The following TJP2 variants were observed in gnomAD, a reference collection of about 807,000 sequenced individuals.
TJP2 encodes tight junction protein 2, also known as Friedreich ataxia region gene X104 (tight junction protein ZO-2).
A neutral mutation model predicts 133.1 loss-of-function variants in TJP2; 91 were observed. The observed-to-expected ratio is 0.68, with a 90% CI of 0.58 to 0.81. The LOEUF (loss-of-function observed/expected upper bound fraction) is 0.81. Among genes scored for constraint, TJP2 ranks in the 40% least tolerant of loss-of-function variants. TJP2 has a pLI of 0.00. For synonymous variants in TJP2, 592 were observed against 583.4 expected, an observed-to-expected ratio of 1.01 and a Z score of -0.21; for missense variants, 1,541 against 1,565.6, an observed-to-expected ratio of 0.98 and a Z score of 0.26.
At chr9:69,194,862 G>A (rs9411202) in intron 1 of TJP2, among the ~76,000 whole-genome samples, 12,955 of 152,272 alleles carry the variant, frequency 0.085, 700 homozygotes, top group Non-Finnish European at 0.12. Context: ...TACCCAAAGG[G>A]TGGGGTTCTT....
At chr9:69,133,934 T>A (rs778441830) in intron 1 of TJP2, among the ~76,000 whole-genome samples, 1 of 151,040 alleles carries the variant, frequency 6.6e-6, no homozygotes, top group Non-Finnish European at 1.5e-5. Context: ...TATGTACTCC[T>A]ATTATTAAGA....
intron 1 of TJP2, chr9:69,145,488 A>G (rs1823173403): frequency 2.9e-6 from 1 of 345,628 alleles, no homozygotes; most frequent in African/African-American, 2.1e-5. Flanking sequence ...ATTCAGAATT[A>G]TTTAGCCTTG....
intron 20 of TJP2, 41 bp from the exon 21 acceptor site, chr9:69,250,994 C>G (rs753315390): frequency 1.5e-5 from 24 of 1,580,198 alleles, no homozygotes; most frequent in Middle Eastern, 1.7e-4. Flanking sequence ...TGAAAATAAA[C>G]TTAAAAGCCC....
At chr9:69,137,287 CTTTCTTTCTTTCTTTTCT>C (rs1564372613) in intron 1 of TJP2, among the ~76,000 whole-genome samples, 29 of 88,132 alleles carry the variant, frequency 3.3e-4, no homozygotes, top group Non-Finnish European at 5.5e-4. Context: ...TTCTTTCTTT[CTTTCTTTCTTTCTTTTCT>C]TTTCTTTTCT....
At chr9:69,237,818 C>T in intron 14 of TJP2, 60 bp from the exon 15 acceptor site, 2 of 1,208,168 alleles carry the variant, frequency 1.7e-6, no homozygotes, top group Non-Finnish European at 2.5e-6. Context: ...AATACTTTTA[C>T]TGCTTATCAT....
chr9:69,240,551 G>A (rs1830510961), intron 17 of TJP2, among the ~76,000 whole-genome samples: 1 of 152,192 alleles, frequency 6.6e-6, no homozygotes, highest in South Asian at 2.1e-4. Flanking sequence ...AAATATTCCT[G>A]TCCAGCATGG....
intron 1 of TJP2, among the ~76,000 whole-genome samples, chr9:69,210,487 C>T: frequency 6.6e-6 from 1 of 152,056 alleles, no homozygotes; most frequent in East Asian, 1.9e-4. Flanking sequence ...TGAAAATTCA[C>T]TTTTATTTTT....
intron 5 of TJP2, among the ~76,000 whole-genome samples, chr9:69,222,428 A>G (rs972542535): frequency 2.0e-5 from 3 of 152,112 alleles, no homozygotes; most frequent in Admixed American, 1.3e-4. Flanking sequence ...GGCCTCCCAA[A>G]GTGCTGGGAT....
chr9:69,221,255 T>TGACCGC lies in TJP2; in HGVS notation c.712_717dup (p.Asp238_Arg239dup), dbSNP rs1246506675. On this transcript the variant is annotated inframe_insertion, in exon 5 of 23. Coordinates refer to ENST00000377245, the MANE Select transcript of TJP2 (RefSeq NM_004817.4). The stretch of plus-strand genomic sequence containing the variant: ...TTGGGCCATCCCGGGACCGGGACCG[T>TGACCGC]GACCGCAGCCGCGGCCGGAGCATTG... The TGACCGC allele has an allele frequency of 2.5e-6, 4 of 1,607,840 alleles. No individual in the cohort carries two copies. The highest frequency in any genetic ancestry group is 1.7e-5 in the Admixed American group (1 of 59,600).
intron 1 of TJP2, among the ~76,000 whole-genome samples, chr9:69,191,586 A>G (rs2133065436): frequency 6.6e-6 from 1 of 152,354 alleles, no homozygotes; most frequent in South Asian, 2.1e-4. Flanking sequence ...CTGTTACTCC[A>G]GGTCCGTTAG....
At chr9:69,176,890 A>G (rs1013963292) in intron 1 of TJP2, among the ~76,000 whole-genome samples, 3 of 152,112 alleles carry the variant, frequency 2.0e-5, no homozygotes, top group Admixed American at 6.6e-5. Flanking sequence ...CCTGTGTACA[A>G]TAATATGTGT....
In TJP2 at chr9:69,227,868, G is replaced by A; in HGVS notation, c.1314G>A (p.Arg438=). Residue 438 remains arginine (R), a synonymous_variant, in exon 8 of 23, where the codon AGG becomes AGA. Transcript: ENST00000377245. The stretch of plus-strand genomic sequence containing the variant: ...CCTCAAGTGAGAAGCTGAAGGAAAG[G>A]CCAAGGTAAGATGACATGAATATTC... ...YHSSSEKLKE[R]PSSREDTPSR... The A allele has an allele frequency of 6.2e-7, 1 of 1,613,410 alleles. No homozygotes were observed. Among genetic ancestry groups the A allele is most frequent in the Non-Finnish European group, 8.5e-7 (1 of 1,179,386 alleles).
intron 1 of TJP2, among the ~76,000 whole-genome samples, chr9:69,179,548 G>A (rs1222429649): frequency 1.4e-5 from 2 of 139,880 alleles, no homozygotes; most frequent in East Asian, 2.0e-4. Flanking sequence ...TCCCTCTGTC[G>A]CCCAGGCTGG....
At chr9:69,173,782 C>G (rs970629801), upstream of TJP2, among the ~76,000 whole-genome samples, 1 of 152,182 alleles carries the variant, frequency 6.6e-6, no homozygotes, top group African/African-American at 2.4e-5. Flanking sequence ...GCCAAAAAGT[C>G]TTCCTACAGG....
At chr9:69,204,996 T>G in intron 1 of TJP2, 1 of 1,365,036 alleles carries the variant, frequency 7.3e-7, no homozygotes, top group Non-Finnish European at 9.4e-7. Context: ...TTTCAAAGCG[T>G]TTGGCATCCC....
At chr9:69,156,521 AGAT>A (rs1823767100) in intron 2 of TJP2, among the ~76,000 whole-genome samples, 2 of 136,310 alleles carry the variant, frequency 1.5e-5, no homozygotes, top group African/African-American at 5.5e-5. Context: ...AATACATGTA[AGAT>A]TTTTTTTTTT....
Position 69,248,069 on chromosome 9 carries a change from G to A in TJP2, c.2725G>A (p.Ala909Thr), listed in dbSNP as rs1297281666. The A allele has an allele frequency of 3.7e-6, 6 of 1,614,008 alleles. No individual in the cohort carries two copies. Among genetic ancestry groups the A allele is most frequent in the East Asian group, 2.2e-5 (1 of 44,876 alleles). ...CATGTCCTACTTAACCGCCATGGGCGCGGACTATCTGAGTTGCGACAGCCG... is the reference window on the plus strand; with the variant it reads ...CATGTCCTACTTAACCGCCATGGGCACGGACTATCTGAGTTGCGACAGCCG... ...DRMSYLTAMGADYLSCDSRLI... is the reference protein window; with the variant it reads ...DRMSYLTAMGTDYLSCDSRLI... Residue 909 changes from alanine to threonine, a missense_variant, in exon 19 of 23, where the codon GCG (alanine) becomes ACG (threonine). Transcript: ENST00000377245.
chr9:69,174,016 G>C, upstream of TJP2: 1 of 1,023,618 alleles, frequency 9.8e-7, no homozygotes. Flanking sequence ...TTCTCCTGCC[G>C]CCGCCGCCGC....
At chr9:69,135,712 TCTC>T (rs947479820) in intron 1 of TJP2, among the ~76,000 whole-genome samples, 3 of 152,098 alleles carry the variant, frequency 2.0e-5, no homozygotes, top group African/African-American at 4.8e-5. Context: ...TTCAAGCAAT[TCTC>T]CTGCCTCAGC....
Sources: gnomAD v4.1 joint callset for allele counts (sites outside exome capture counted in the v4.1 genomes callset) on GRCh38, gnomAD v4.1.1 for gene constraint, MANE v1.5 for transcripts, NCBI Gene and HGNC (gene_info 2026-07-23, HGNC 2026-07-21) for gene names.